The following PHC3 variants were observed in gnomAD, a reference collection of about 807,000 sequenced individuals.
PHC3 encodes polyhomeotic homolog 3.
PHC3 carries 13 observed loss-of-function variants against 107.4 expected under a neutral mutation model. That is an observed-to-expected ratio of 0.12 (90% CI 0.08 to 0.19). The LOEUF is 0.19. Ranked by LOEUF, PHC3 falls within the 10% of genes least tolerant of loss-of-function variation. The pLI, the probability that PHC3 is intolerant of heterozygous loss-of-function variation, is 1.00. For synonymous variants in PHC3, 456 were observed against 427.4 expected (o/e 1.07, Z -0.83); for missense variants, 992 against 1,210.9 (o/e 0.82, Z 2.68).
chr3:170,180,900 G>A (rs1731280618), intron 1 of PHC3, among the ~76,000 whole-genome samples: 1 of 152,122 alleles, frequency 6.6e-6, no homozygotes, highest in African/African-American at 2.4e-5. Flanking sequence ...ACTGCATTTC[G>A]AGGCCTGGCA....
rs1560033400 is a variant in PHC3, at chr3:170,111,317, G to GAACGAAC, written c.2353+2042_2353+2043insGTTCGTT. ...AGGAAGGAAGGAAGGAAGGAAGGAA[G>GAACGAAC]GAACGAACGAACGAAAGAACAAAAG... On this transcript the variant is annotated intron_variant, in intron 11 of 14. Transcript: ENST00000495893. Among the ~76,000 whole-genome samples, 658 of 107,450 alleles carry GAACGAAC rather than the reference G, an allele frequency of 6.1e-3. 4 individuals are homozygous for GAACGAAC. The highest frequency in any genetic ancestry group is 0.015 in the Middle Eastern group (3 of 206). The allele number at this position is 107,450 out of a possible 152,430, so 70.5% of individuals were successfully genotyped here.
At chr3:170,173,881 A>G (rs1172098394) in intron 2 of PHC3, among the ~76,000 whole-genome samples, 1 of 152,186 alleles carries the variant, frequency 6.6e-6, no homozygotes, top group Non-Finnish European at 1.5e-5. Context: ...ATGAGCAGGT[A>G]TTATTAATAA....
At chr3:170,179,110 T>A (rs1338489148) in intron 1 of PHC3, among the ~76,000 whole-genome samples, 172 bp from the exon 2 acceptor site, 2 of 152,220 alleles carry the variant, frequency 1.3e-5, no homozygotes, top group African/African-American at 4.8e-5. Context: ...ATACTTCACA[T>A]ATATGGAGCA....
intron 4 of PHC3, among the ~76,000 whole-genome samples, chr3:170,161,983 T>C (rs1040749306): frequency 2.6e-5 from 4 of 152,228 alleles, no homozygotes; most frequent in Admixed American, 1.3e-4. Context: ...ATAGCATCAT[T>C]TCCTGAACTT....
At chr3:170,146,535 C>CTTTTTTTTTTTTT (rs373420736) in intron 5 of PHC3, among the ~76,000 whole-genome samples, 3 of 123,510 alleles carry the variant, frequency 2.4e-5, no homozygotes, top group Non-Finnish European at 3.4e-5. Flanking sequence ...TTTTCTTTTT[C>CTTTTTTTTTTTTT]TTTTTTTTTT....
chr3:170,104,331 G>A (rs901692602), intron 12 of PHC3, among the ~76,000 whole-genome samples: 6 of 152,088 alleles, frequency 3.9e-5, no homozygotes, highest in Admixed American at 6.6e-5. Context: ...AGAAAGAAGA[G>A]TGAGAAGAAA....
At position 170,129,387 on chromosome 3, in the gene PHC3, T is replaced by A. The variant is rs370303727; in HGVS notation, c.1085A>T (p.Gln362Leu). 25 of 1,613,768 alleles carry A rather than the reference T, an allele frequency of 1.5e-5. No individual in the cohort carries two copies. The highest frequency in any genetic ancestry group is 2.0e-5 in the Non-Finnish European group (24 of 1,179,866). Residue 362 changes from glutamine (Q) to leucine (L), a missense_variant, in exon 8 of 15, where the codon CAG (glutamine) becomes CTG (leucine). Gln to Leu is a moderately radical substitution (Grantham distance 113, BLOSUM62 -2). Around this residue, in one of 6 missense-constraint regions of PHC3, gnomAD observed 543 missense variants for 590.8 expected, o/e 0.92. Coordinates refer to ENST00000495893, the MANE Select transcript of PHC3 (RefSeq NM_024947.4). ...QNSTQDPPPS[Q>L]HCIPLQNHGL... ...ATGGTTCTGGAGTGGTATACAGTGCTGGGATGGGGGTGGGTCTTGAGTTGA... is the reference window on the plus strand; with the variant it reads ...ATGGTTCTGGAGTGGTATACAGTGCAGGGATGGGGGTGGGTCTTGAGTTGA...
At chr3:170,111,623 G>T (rs1209072145) in intron 11 of PHC3, among the ~76,000 whole-genome samples, 2 of 152,164 alleles carry the variant, frequency 1.3e-5, no homozygotes, top group Non-Finnish European at 2.9e-5. Flanking sequence ...ATTTTTCAAG[G>T]TTAACATTCT....
At chr3:170,145,352 A>C in intron 6 of PHC3, 71 bp downstream of exon 6, 2 of 1,293,968 alleles carry the variant, frequency 1.5e-6, no homozygotes, top group Admixed American at 4.2e-5. Flanking sequence ...ACTTAAACAC[A>C]AATGCAATGC....
intron 2 of PHC3, among the ~76,000 whole-genome samples, chr3:170,178,144 T>A (rs899022319): frequency 6.7e-6 from 1 of 150,324 alleles, no homozygotes; most frequent in Admixed American, 6.6e-5. Context: ...AGGAAAATTT[T>A]TTTTTTTTTT....
chr3:170,172,717 G>A lies in PHC3; in HGVS notation c.181-5C>T. ...ATGCAATGCCTGTTGAATTACCTGTGATAAGTCAATTGAACCAATGTCAAA... is the reference window on the plus strand; with the variant it reads ...ATGCAATGCCTGTTGAATTACCTGTAATAAGTCAATTGAACCAATGTCAAA... On this transcript the variant is annotated splice_polypyrimidine_tract_variant and splice_region_variant and intron_variant, in intron 2 of 14. Transcript: ENST00000495893. The A allele has an allele frequency of 6.3e-7, 1 of 1,587,594 alleles. No individual in the cohort carries two copies. The highest frequency in any genetic ancestry group is 8.6e-7 in the Non-Finnish European group (1 of 1,163,208).
chr3:170,177,988 T>C (rs1340257657), intron 2 of PHC3, among the ~76,000 whole-genome samples: 11 of 151,372 alleles, frequency 7.3e-5, no homozygotes, highest in African/African-American at 1.9e-4. Context: ...TGATTATTAA[T>C]TAACTTTGTT....
intron 12 of PHC3, among the ~76,000 whole-genome samples, chr3:170,105,586 A>G (rs1463659838): frequency 6.6e-6 from 1 of 152,216 alleles, no homozygotes; most frequent in African/African-American, 2.4e-5. Context: ...ACATTCATAT[A>G]ATCTGTAACG....
intron 2 of PHC3, among the ~76,000 whole-genome samples, chr3:170,174,974 C>T (rs1466903347): frequency 2.0e-5 from 3 of 152,180 alleles, no homozygotes; most frequent in African/African-American, 7.2e-5. Flanking sequence ...ATCTATTTGA[C>T]ACATACTTTT....
chr3:170,123,992 C>T (rs374362521), intron 8 of PHC3, among the ~76,000 whole-genome samples: 2 of 151,644 alleles, frequency 1.3e-5, no homozygotes, highest in Non-Finnish European at 1.5e-5. Flanking sequence ...GGACTACAGG[C>T]GCGTGCCACC....
intron 4 of PHC3, among the ~76,000 whole-genome samples, chr3:170,168,526 G>A (rs1187035599): frequency 6.6e-6 from 1 of 151,872 alleles, no homozygotes; most frequent in African/African-American, 2.4e-5. Flanking sequence ...AGCACTTTGG[G>A]AGGCCGAGGC....
rs1553773597 is a variant in PHC3 at position 170,093,690 on chromosome 3, CAG to C, written c.*3538_*3539del. ...TTTAACTGAACAAGTCAGTGGGAGACAGGGCACTATAACACATTTCAATTCAA... is the reference window on the plus strand; with the variant it reads ...TTTAACTGAACAAGTCAGTGGGAGACGGCACTATAACACATTTCAATTCAA... On this transcript the variant is annotated 3_prime_UTR_variant, in exon 15 of 15. Transcript: ENST00000495893. 1 of 152,122 alleles carries C rather than the reference CAG, an allele frequency of 6.6e-6. No individual in the cohort carries two copies. The highest frequency in any genetic ancestry group is 1.5e-5 in the Non-Finnish European group (1 of 68,036). The allele number at this position is 152,122 out of a possible 1,614,324, so 9.4% of individuals were successfully genotyped here. A position where few individuals can be genotyped will look rare whatever the true frequency, so the allele number is the denominator to read the frequency against.
chr3:170,171,004 T>C lies in PHC3; in HGVS notation c.414+369A>G, dbSNP rs989447998. ...AATGTGAATTGCACAAAGTTAGAAA[T>C]GCTTAGATGTCTACCAAGGACATGA... is the stretch of plus-strand genomic sequence containing the variant. On this transcript the variant is annotated intron_variant, in intron 4 of 14. Transcript: ENST00000495893. 5.7e-5 allele frequency: 14 copies of C among 244,634 alleles called. No homozygotes were observed. In the East Asian group the frequency reaches 1.1e-3, roughly 19 times the overall value. 15.2% of individuals were successfully genotyped at this position (244,634 alleles called of 1,614,324 possible).
At position 170,122,628 on chromosome 3, in the gene PHC3, C is replaced by T; in HGVS notation, c.1905G>A (p.Gly635=). The change falls in exon 9 of 15, where the codon GGG becomes GGA. Residue 635 remains glycine, a synonymous_variant. Transcript: ENST00000495893. The stretch of plus-strand genomic sequence containing the variant: ...GTTCAGAAGTCAAATCTTCTCCTCT[C>T]CCCACTGTTATAGCTGCTGGAGACA... The part of the protein sequence containing the change: ...PTLSPAAITV[G]RGEDLTSEHP... The T allele has an allele frequency of 6.2e-7, 1 of 1,613,936 alleles. No individual in the cohort carries two copies. The highest frequency in any genetic ancestry group is 8.5e-7 in the Non-Finnish European group (1 of 1,179,852).
Sources: allele counts gnomAD v4.1 joint callset (sites outside exome capture counted in the v4.1 genomes callset), GRCh38; gene constraint gnomAD v4.1.1; regional missense constraint gnomAD v4.1.1; transcripts MANE v1.5; gene names NCBI Gene and HGNC (gene_info 2026-07-23, HGNC 2026-07-21).